The following PRIM2 variants were observed in gnomAD, a reference collection of about 807,000 sequenced individuals.
PRIM2 encodes the protein DNA primase large subunit.
A neutral mutation model predicts 67.3 loss-of-function variants in PRIM2; 39 were observed. The observed-to-expected ratio is 0.58, with a 90% CI of 0.45 to 0.76. PRIM2 has a LOEUF of 0.76. Among genes scored for constraint, PRIM2 ranks in the 30% least tolerant of loss-of-function variants. The pLI is 0.00. For missense variants in PRIM2, 398 were observed against 598.7 expected (o/e 0.66, Z 3.50); for synonymous variants, 143 against 198.7 (o/e 0.72, Z 2.36).
At chr6:57,407,244 AAG>A (rs1353360851) in intron 7 of PRIM2, among the ~76,000 whole-genome samples, 1 of 152,172 alleles carries the variant, frequency 6.6e-6, no homozygotes, top group Middle Eastern at 3.2e-3. Context: ...ATCTCAAAGA[AAG>A]AGAATAACAA....
At position 57,455,535 on chromosome 6, in the gene PRIM2, A is replaced by T. The variant is rs1454574242; in HGVS notation, c.694-51852A>T. Among the ~76,000 whole-genome samples, 24 of 152,308 alleles carry T rather than the reference A, an allele frequency of 1.6e-4. No individual in the cohort carries two copies. In the South Asian group the frequency reaches 4.8e-3, roughly 30 times the overall value. ...TTGTTGAATTGATCCCTTTACCATTATGTAATGGCCTGCTTTGTCTCTTTT... is the reference window on the plus strand; with the variant it reads ...TTGTTGAATTGATCCCTTTACCATTTTGTAATGGCCTGCTTTGTCTCTTTT... On this transcript the variant is annotated intron_variant, in intron 7 of 13. Transcript: ENST00000615550.
intron 8 of PRIM2, among the ~76,000 whole-genome samples, chr6:57,517,223 C>T (rs1554348374): frequency 6.6e-6 from 1 of 152,106 alleles, no homozygotes; most frequent in African/African-American, 2.4e-5. Flanking sequence ...ATTGATCGCT[C>T]TCTGGTTAAG....
intron 8 of PRIM2, among the ~76,000 whole-genome samples, chr6:57,528,585 CT>C (rs1774814132): frequency 6.6e-6 from 1 of 152,176 alleles, no homozygotes; most frequent in East Asian, 1.9e-4. Flanking sequence ...TACTCAATAA[CT>C]ATAATTCTGT....
chr6:57,527,826 G>A (rs1397482365), intron 8 of PRIM2, among the ~76,000 whole-genome samples: 1 of 152,146 alleles, frequency 6.6e-6, no homozygotes, highest in Non-Finnish European at 1.5e-5. Context: ...TAGATGAGTA[G>A]AGGAGAGATG....
intron 10 of PRIM2, among the ~76,000 whole-genome samples, chr6:57,581,160 G>A (rs1185183106): frequency 2.0e-5 from 3 of 152,218 alleles, no homozygotes; most frequent in Non-Finnish European, 4.4e-5. Flanking sequence ...TCTGAATGCA[G>A]TATTGGATGA....
At chr6:57,584,780 C>T (rs1461667406) in intron 10 of PRIM2, among the ~76,000 whole-genome samples, 3 of 152,140 alleles carry the variant, frequency 2.0e-5, no homozygotes, top group Non-Finnish European at 2.9e-5. Context: ...AAAAATGGCA[C>T]AAACTAGTTT....
the PRIM2 span, among the ~76,000 whole-genome samples, chr6:57,241,506 T>C: frequency 2.2e-5 from 2 of 89,926 alleles, no homozygotes; most frequent in South Asian, 1.0e-3. Context: ...GCTGAAGGAA[T>C]GGCAAGCAGA....
intron 7 of PRIM2, among the ~76,000 whole-genome samples, chr6:57,412,270 CTG>C (rs1355323545): frequency 6.6e-6 from 1 of 151,998 alleles, no homozygotes; most frequent in Non-Finnish European, 1.5e-5. Context: ...ATGCTTATGA[CTG>C]TGTAATCTAT....
chr6:57,320,846 C>T (rs1422835948), intron 3 of PRIM2, among the ~76,000 whole-genome samples: 1 of 152,156 alleles, frequency 6.6e-6, no homozygotes, highest in Non-Finnish European at 1.5e-5. Flanking sequence ...CTGGCTTCTA[C>T]CCCTACATAT....
intron 10 of PRIM2, among the ~76,000 whole-genome samples, chr6:57,595,224 G>T (rs1201477362): frequency 3.3e-4 from 50 of 152,234 alleles, no homozygotes; most frequent in East Asian, 1.2e-3. Context: ...TTATCCCAGA[G>T]AAATGAAAAT....
chr6:57,429,676 T>C (rs1771756064), intron 7 of PRIM2, among the ~76,000 whole-genome samples: 1 of 152,124 alleles, frequency 6.6e-6, no homozygotes, highest in South Asian at 2.1e-4. Flanking sequence ...TAATACAATC[T>C]GATTGGCCCT....
chr6:57,295,965 A>G, the PRIM2 span, among the ~76,000 whole-genome samples: 1 of 152,336 alleles, frequency 6.6e-6, no homozygotes, highest in Admixed American at 6.5e-5. Flanking sequence ...TTATAACCAT[A>G]GTCACAACCA....
At chr6:57,378,156 G>T (rs4715673) in intron 5 of PRIM2, among the ~76,000 whole-genome samples, 1 of 151,258 alleles carries the variant, frequency 6.6e-6, no homozygotes, top group South Asian at 2.1e-4. Context: ...TAACTCCTGG[G>T]CTCAAGCAAT....
intron 7 of PRIM2, among the ~76,000 whole-genome samples, chr6:57,477,068 C>G (rs1773494151): frequency 6.6e-6 from 1 of 152,198 alleles, no homozygotes. Context: ...ACAGCTCACT[C>G]CAGCTTCAAC....
chr6:57,404,830 G>T (rs1210848297), intron 7 of PRIM2, among the ~76,000 whole-genome samples: 1 of 139,754 alleles, frequency 7.2e-6, no homozygotes. Flanking sequence ...CTATTTTTGT[G>T]GTCACCTTTG....
the PRIM2 span, among the ~76,000 whole-genome samples, chr6:57,285,631 T>C: frequency 6.6e-6 from 1 of 152,092 alleles, no homozygotes; most frequent in African/African-American, 2.4e-5. Flanking sequence ...CTCAAAATAA[T>C]AAGAGCTATA....
chr6:57,300,931 T>G, the PRIM2 span, among the ~76,000 whole-genome samples: 1 of 152,134 alleles, frequency 6.6e-6, no homozygotes. Context: ...GAGAAGGAGA[T>G]TTTGGAGAAA....
chr6:57,544,435 A>G (rs1775244569), intron 10 of PRIM2, among the ~76,000 whole-genome samples: 1 of 152,174 alleles, frequency 6.6e-6, no homozygotes, highest in Admixed American at 6.5e-5. Flanking sequence ...TTTTTGATCA[A>G]CATAAATTTT....
At chr6:57,427,291 ACTT>A (rs1771664981) in intron 7 of PRIM2, among the ~76,000 whole-genome samples, 1 of 152,106 alleles carries the variant, frequency 6.6e-6, no homozygotes, top group Admixed American at 6.5e-5. Flanking sequence ...AAACCAAAAA[ACTT>A]CTTTGGAATT....
Sources: gnomAD v4.1 joint callset for allele counts (sites outside exome capture counted in the v4.1 genomes callset) on GRCh38, gnomAD v4.1.1 for gene constraint, MANE v1.5 for transcripts, NCBI Gene and HGNC (gene_info 2026-07-23, HGNC 2026-07-21) for gene names.